Variants in WDR3 observed in about 807,000 individuals in gnomAD.
WDR3 encodes the protein WD repeat domain 3.
Under a neutral mutation model 123.7 loss-of-function variants are expected in WDR3, and 81 were observed. The ratio of observed to expected loss-of-function variants is 0.65; its 90% CI spans 0.55 to 0.79. The LOEUF is 0.79. Ranked by LOEUF, WDR3 falls within the 30% of genes least tolerant of loss-of-function variation. The pLI, the probability that WDR3 is intolerant of heterozygous loss-of-function variation, is 0.00. For missense variants in WDR3, 1,027 were observed against 1,123.2 expected, an observed-to-expected ratio of 0.91 and a Z score of 1.22; for synonymous variants, 390 against 388.8, an observed-to-expected ratio of 1.00 and a Z score of -0.04.
chr1:117,934,599 A>C lies in WDR3; in HGVS notation c.298A>C (p.Asn100His). 6.2e-7 allele frequency: 1 copy of C among 1,614,154 alleles called. No homozygotes were observed. The highest frequency in any genetic ancestry group is 8.5e-7 in the Non-Finnish European group (1 of 1,180,008). ...CTTCAGTCTCCTGAGTGGGGAAGGA[A>C]ATGTGACCTTCAATGGTCACAAAGC... The part of the protein sequence containing the change: ...RIFSLLSGEG[N>H]VTFNGHKAAI... The change falls in exon 3 of 27, where the codon AAT (asparagine) becomes CAT (histidine). Residue 100 changes from asparagine (N) to histidine (H), a missense_variant. Transcript: ENST00000349139.
chr1:117,949,272 C>G (rs1229588944), intron 13 of WDR3, among the ~76,000 whole-genome samples: 1 of 152,036 alleles, frequency 6.6e-6, no homozygotes, highest in Non-Finnish European at 1.5e-5. Context: ...CTATGAGGGA[C>G]AGACACTTGA....
chr1:117,958,783 T>C, intron 25 of WDR3, 127 bp from the exon 26 acceptor site: 1 of 570,256 alleles, frequency 1.8e-6, no homozygotes, highest in Non-Finnish European at 2.9e-6. Flanking sequence ...TTTTTTTTTT[T>C]GCTCGAAACA....
intron 1 of WDR3, among the ~76,000 whole-genome samples, chr1:117,930,613 AAG>A (rs1282670307): frequency 6.6e-6 from 1 of 152,216 alleles, no homozygotes; most frequent in Non-Finnish European, 1.5e-5. Context: ...TTTAAATGAA[AAG>A]AGTGAAAAAC....
chr1:117,941,304 A>G lies in WDR3; in HGVS notation c.891+79A>G, dbSNP rs1019642442. On this transcript the variant is annotated intron_variant, in intron 8 of 26. Transcript: ENST00000349139. Reference sequence around the variant, plus strand: ...ACTCATTCTTTCATATTCAATGTAAAGATGACTTTTTCTTGACTCATGTTA... The same window carrying G: ...ACTCATTCTTTCATATTCAATGTAAGGATGACTTTTTCTTGACTCATGTTA... The G allele has an allele frequency of 4.9e-6, 7 of 1,430,090 alleles. No homozygotes were observed. The African/African-American group carries it at 5.7e-5, about 12-fold the overall frequency. 88.6% of individuals were successfully genotyped at this position (1,430,090 alleles called of 1,614,324 possible). A position where few individuals can be genotyped will look rare whatever the true frequency, so the allele number is the denominator to read the frequency against.
At position 117,963,852 on chromosome 1, in the gene WDR3, T is replaced by C. The variant is rs1239249145; in HGVS notation, c.*4405T>C. ...AAGACTCCAAGTGTGGAGGAATAAA[T>C]TGTAGAAGTTCTCTGGACCATTGGA... On this transcript the variant is annotated 3_prime_UTR_variant, in exon 27 of 27. Transcript: ENST00000349139. 10 of 1,613,804 alleles carry C rather than the reference T, an allele frequency of 6.2e-6. No individual in the cohort carries two copies. The highest frequency in any genetic ancestry group is 3.3e-5 in the Admixed American group (2 of 59,996).
intron 4 of WDR3, 105 bp from the exon 5 acceptor site, chr1:117,938,375 G>T: frequency 1.2e-6 from 1 of 806,634 alleles, no homozygotes; most frequent in South Asian, 1.7e-5. Flanking sequence ...AGACATTATT[G>T]AAGCATATGT....
At chr1:117,931,209 G>A (rs954975413) in intron 1 of WDR3, among the ~76,000 whole-genome samples, 3 of 152,322 alleles carry the variant, frequency 2.0e-5, no homozygotes, top group African/African-American at 2.4e-5. Flanking sequence ...ACAGGCATGA[G>A]CCACCATACC....
At chr1:117,946,940 C>CAAAAA (rs55743091) in intron 12 of WDR3, among the ~76,000 whole-genome samples, 1 of 77,362 alleles carries the variant, frequency 1.3e-5, no homozygotes, top group Non-Finnish European at 2.4e-5. Context: ...GACTCCATCT[C>CAAAAA]AAAAAAAAAA....
intron 11 of WDR3, 111 bp downstream of exon 11, chr1:117,943,737 T>G: frequency 1.0e-6 from 1 of 958,416 alleles, no homozygotes; most frequent in South Asian, 1.8e-5. Context: ...TACAATTATC[T>G]TTAGTGCATT....
intron 12 of WDR3, among the ~76,000 whole-genome samples, chr1:117,946,699 T>C (rs1236794905): frequency 1.3e-5 from 2 of 152,010 alleles, no homozygotes; most frequent in African/African-American, 2.4e-5. Context: ...CCCAGCACTT[T>C]GGGAGGCCGA....
intron 25 of WDR3, among the ~76,000 whole-genome samples, chr1:117,958,516 G>A (rs111774316): frequency 3.2e-4 from 48 of 152,098 alleles, no homozygotes; most frequent in Non-Finnish European, 2.5e-4. Flanking sequence ...TGAATCTCAC[G>A]AATGTCTCTT....
In WDR3 at chr1:117,966,512, A is replaced by C. The variant is rs1277837084; in HGVS notation, c.*7065A>C. 5.2e-6 allele frequency: 6 copies of C among 1,159,454 alleles called. No individual in the cohort carries two copies. The highest frequency in any genetic ancestry group is 7.1e-6 in the Non-Finnish European group (6 of 850,898). The allele number at this position is 1,159,454 out of a possible 1,614,324, so 71.8% of individuals were successfully genotyped here. A position where few individuals can be genotyped will look rare whatever the true frequency, so the allele number is the denominator to read the frequency against. On this transcript the variant is annotated 3_prime_UTR_variant, in exon 27 of 27. Coordinates refer to ENST00000349139, the MANE Select transcript of WDR3 (RefSeq NM_006784.3). ...ATTTAACTCTGATTTTGAAGATAGAATTAATAAAGTAGAGATGCATTTTGA... is the reference window on the plus strand; with the variant it reads ...ATTTAACTCTGATTTTGAAGATAGACTTAATAAAGTAGAGATGCATTTTGA...
chr1:117,941,007 T>C (rs552036410), intron 7 of WDR3, 67 bp downstream of exon 7: 1 of 1,574,516 alleles, frequency 6.4e-7, no homozygotes, highest in Non-Finnish European at 8.7e-7. Context: ...TGCAGATTTT[T>C]AGGGAATCAT....
chr1:117,953,389 T>C (rs926801928), intron 20 of WDR3, 87 bp from the exon 21 acceptor site: 144 of 1,257,096 alleles, frequency 1.1e-4, no homozygotes, highest in Non-Finnish European at 1.6e-4. Context: ...TAATAATAGC[T>C]GTTCTCATAT....
chr1:117,940,010 C>T (rs757277256), intron 6 of WDR3, among the ~76,000 whole-genome samples: 2 of 152,182 alleles, frequency 1.3e-5, no homozygotes, highest in African/African-American at 2.4e-5. Context: ...AGCTGAATTT[C>T]GGTGTGTGCT....
chr1:117,950,840 CT>C lies in WDR3; in HGVS notation c.1754del (p.Leu585ArgfsTer22). ...IFYVDTLKFF[L>X]SLYGHKLPVI... ...ATGTTTTTTTGATGTTTAGTTTTTT[CT>C]GTCACTGTATGGACACAAACTGCCT... On this transcript the variant is annotated frameshift_variant, in exon 16 of 27. Coordinates refer to ENST00000349139, the MANE Select transcript of WDR3 (RefSeq NM_006784.3). LOFTEE classifies it high-confidence loss of function. The C allele has an allele frequency of 6.2e-7, 1 of 1,607,210 alleles. No homozygotes were observed. Among genetic ancestry groups the C allele is most frequent in the Non-Finnish European group, 8.5e-7 (1 of 1,178,036 alleles).
At chr1:117,957,298 C>T (rs893009398) in intron 25 of WDR3, 102 bp downstream of exon 25, 18 of 1,383,876 alleles carry the variant, frequency 1.3e-5, no homozygotes, top group South Asian at 6.4e-5. Flanking sequence ...AATAGTATGC[C>T]GAACTCGGTG....
intron 5 of WDR3, among the ~76,000 whole-genome samples, chr1:117,939,180 C>T (rs1272921799): frequency 6.6e-6 from 1 of 152,200 alleles, no homozygotes; most frequent in East Asian, 1.9e-4. Context: ...TTAAAATCAT[C>T]ATTTGAGTGG....
Position 117,934,488 on chromosome 1 carries a change from G to A in WDR3, c.187G>A (p.Gly63Arg). 1 of 1,613,422 alleles carries A rather than the reference G, an allele frequency of 6.2e-7. No homozygotes were observed. The highest frequency in any genetic ancestry group is 2.2e-5 in the East Asian group (1 of 44,852). Residue 63 changes from glycine (G) to arginine (R), a missense_variant, in exon 3 of 27, where the codon GGG (glycine) becomes AGG (arginine). Gly to Arg is a moderately radical substitution (Grantham distance 125). Coordinates refer to ENST00000349139, the MANE Select transcript of WDR3 (RefSeq NM_006784.3). ...RKGEKILILQ[G>R]LKQEVTCLCP... ...ATGATTTCAGATTCTTATCCTTCAG[G>A]GGCTTAAACAAGAAGTTACTTGCTT...
Sources: allele counts gnomAD v4.1 joint callset (sites outside exome capture counted in the v4.1 genomes callset), GRCh38; gene constraint gnomAD v4.1.1; transcripts MANE v1.5; gene names NCBI Gene and HGNC (gene_info 2026-07-23, HGNC 2026-07-21).